Variants in COX7B2 observed in about 807,000 individuals in gnomAD.
COX7B2 encodes cytochrome c oxidase subunit 7B2, mitochondrial.
For missense variants in COX7B2, 109 were observed against 95.9 expected, an observed-to-expected ratio of 1.14 and a Z score of -0.57; for synonymous variants, 37 against 32.1, an observed-to-expected ratio of 1.15 and a Z score of -0.51.
chr4:46,830,655 T>C (rs745905577), intron 2 of COX7B2, among the ~76,000 whole-genome samples: 1 of 152,222 alleles, frequency 6.6e-6, no homozygotes, highest in Non-Finnish European at 1.5e-5. Flanking sequence ...ACTGATATAA[T>C]AGAAAAACCT....
At chr4:46,889,283 TG>T (rs1719275230) in intron 1 of COX7B2, among the ~76,000 whole-genome samples, 1 of 152,190 alleles carries the variant, frequency 6.6e-6, no homozygotes, top group Non-Finnish European at 1.5e-5. Context: ...ACAACTGGCC[TG>T]GATTTCAAAC....
intron 2 of COX7B2, among the ~76,000 whole-genome samples, chr4:46,787,602 G>A (rs1577704965): frequency 6.6e-6 from 1 of 152,250 alleles, no homozygotes; most frequent in South Asian, 2.1e-4. Context: ...AAGTATTGAG[G>A]AACATATTAA....
chr4:46,775,076 T>A (rs993597337), intron 2 of COX7B2, among the ~76,000 whole-genome samples: 130 of 152,072 alleles, frequency 8.5e-4, no homozygotes, highest in African/African-American at 2.9e-3. Context: ...ACTACATAAT[T>A]ACCTCAATTC....
intron 1 of COX7B2, among the ~76,000 whole-genome samples, chr4:46,904,843 T>C (rs1325577444): frequency 2.0e-5 from 3 of 152,238 alleles, no homozygotes; most frequent in African/African-American, 7.2e-5. Flanking sequence ...TGAAGTTTGC[T>C]ATCTTTTGTA....
intron 2 of COX7B2, among the ~76,000 whole-genome samples, chr4:46,799,074 A>C (rs1718515542): frequency 6.6e-6 from 1 of 152,146 alleles, no homozygotes; most frequent in Non-Finnish European, 1.5e-5. Context: ...CACCTTCAGA[A>C]GCTCTGGTTA....
intron 2 of COX7B2, among the ~76,000 whole-genome samples, chr4:46,784,155 A>G (rs768930380): frequency 3.3e-5 from 5 of 152,202 alleles, no homozygotes; most frequent in Non-Finnish European, 7.3e-5. Flanking sequence ...ACCTCATGGA[A>G]TAAGAGAGGG....
In COX7B2 at chr4:46,735,132, T is replaced by C; in HGVS notation, c.61A>G (p.Ser21Gly). Reference protein sequence around the residue: ...SSLKIQSILQSMARHSHVKHS... With the variant: ...SSLKIQSILQGMARHSHVKHS... ...TTTACATGGCTATGTCTTGCCATGC[T>C]TTGCAGAATGCTTTGAATCTTGAGA... Residue 21 changes from serine (S) to glycine (G), a missense_variant, in exon 3 of 3, where the codon AGC becomes GGC. Transcript: ENST00000355591. 1 of 1,613,662 alleles carries C rather than the reference T, an allele frequency of 6.2e-7. No homozygotes were observed. Among genetic ancestry groups the C allele is most frequent in the Non-Finnish European group, 8.5e-7 (1 of 1,179,804 alleles).
chr4:46,876,904 T>C (rs2109836748), intron 1 of COX7B2: 1 of 152,372 alleles, frequency 6.6e-6, no homozygotes, highest in African/African-American at 2.4e-5. Context: ...GATATTTTTC[T>C]GGCAACAGCT....
chr4:46,842,275 G>T (rs985699726), intron 2 of COX7B2, among the ~76,000 whole-genome samples: 2 of 151,950 alleles, frequency 1.3e-5, no homozygotes, highest in African/African-American at 2.4e-5. Context: ...TTCCCTGAAG[G>T]TTGCTTTCCT....
intron 1 of COX7B2, among the ~76,000 whole-genome samples, chr4:46,892,398 G>A (rs1719481230): frequency 6.6e-6 from 1 of 152,160 alleles, no homozygotes; most frequent in East Asian, 1.9e-4. Context: ...TTATCCATGA[G>A]GAAATTCATG....
chr4:46,836,966 A>C (rs1314375019), intron 2 of COX7B2, among the ~76,000 whole-genome samples: 1 of 152,102 alleles, frequency 6.6e-6, no homozygotes, highest in Non-Finnish European at 1.5e-5. Context: ...ATTGACACTA[A>C]AATTATGAAT....
At chr4:46,746,263 A>T (rs1297232176) in intron 2 of COX7B2, among the ~76,000 whole-genome samples, 1 of 152,238 alleles carries the variant, frequency 6.6e-6, no homozygotes, top group African/African-American at 2.4e-5. Flanking sequence ...AATGGCAAAT[A>T]GTAAATACAC....
intron 2 of COX7B2, among the ~76,000 whole-genome samples, chr4:46,804,600 G>C (rs1006668158): frequency 4.6e-5 from 7 of 152,244 alleles, no homozygotes; most frequent in Non-Finnish European, 8.8e-5. Context: ...TAGATACAGA[G>C]TGTCAATTGG....
chr4:46,898,054 T>G (rs962214227), intron 1 of COX7B2, among the ~76,000 whole-genome samples: 9 of 152,302 alleles, frequency 5.9e-5, no homozygotes, highest in African/African-American at 1.9e-4. Flanking sequence ...TTCTCATGAC[T>G]GCTGTCACCT....
intron 2 of COX7B2, among the ~76,000 whole-genome samples, chr4:46,841,897 T>G (rs1333217943): frequency 6.6e-6 from 1 of 151,942 alleles, no homozygotes; most frequent in African/African-American, 2.4e-5. Context: ...AAGAAAATGA[T>G]ACAAGCTTCA....
At chr4:46,737,342 T>C (rs1714429540) in intron 2 of COX7B2, among the ~76,000 whole-genome samples, 1 of 152,136 alleles carries the variant, frequency 6.6e-6, no homozygotes, top group Non-Finnish European at 1.5e-5. Flanking sequence ...TGGATAACAG[T>C]CCTCAATTCG....
intron 2 of COX7B2, among the ~76,000 whole-genome samples, chr4:46,794,232 A>G (rs1718204003): frequency 6.6e-6 from 1 of 152,216 alleles, no homozygotes; most frequent in Non-Finnish European, 1.5e-5. Context: ...TAACGGTGGA[A>G]GAAACAAGTT....
chr4:46,903,250 C>T (rs918108841), intron 1 of COX7B2, among the ~76,000 whole-genome samples: 2 of 152,078 alleles, frequency 1.3e-5, no homozygotes, highest in African/African-American at 4.8e-5. Flanking sequence ...AATCAGAATG[C>T]TTAGGTAAAA....
intron 2 of COX7B2, among the ~76,000 whole-genome samples, chr4:46,744,338 C>T (rs1387154083): frequency 6.6e-6 from 1 of 152,014 alleles, no homozygotes; most frequent in Non-Finnish European, 1.5e-5. Flanking sequence ...TACATTTCTT[C>T]CCTGCTATAA....
Sources: allele counts gnomAD v4.1 joint callset (sites outside exome capture counted in the v4.1 genomes callset), GRCh38; gene constraint gnomAD v4.1.1; transcripts MANE v1.5; gene names NCBI Gene and HGNC (gene_info 2026-07-23, HGNC 2026-07-21).